The following PHF6 variants were observed in gnomAD, a reference collection of about 807,000 sequenced individuals.
PHF6 encodes the protein PHD finger protein 6.
PHF6 carries 7 observed loss-of-function variants against 34.0 expected under a neutral mutation model. That is an observed-to-expected ratio of 0.21 (90% confidence interval 0.12 to 0.39). The LOEUF (loss-of-function observed/expected upper bound fraction) is 0.39. Ranked by LOEUF, PHF6 falls within the 10% of genes least tolerant of loss-of-function variation. The pLI is 1.00. For missense variants in PHF6, 128 were observed against 262.8 expected, an observed-to-expected ratio of 0.49 and a Z score of 3.55; for synonymous variants, 89 against 88.4, an observed-to-expected ratio of 1.01 and a Z score of -0.04.
intron 3 of PHF6, among the ~76,000 whole-genome samples, chrX:134,391,335 CAATG>C (rs2124217356): frequency 8.9e-6 from 1 of 112,098 alleles, no homozygotes; most frequent in South Asian, 3.7e-4. Flanking sequence ...AATAATTCTA[CAATG>C]AATGTGCTTG....
At chrX:134,419,678 T>C (rs891485637) in intron 9 of PHF6, 1 of 111,493 alleles carries the variant, frequency 9.0e-6, no homozygotes, top group African/African-American at 3.3e-5. Context: ...AAAATGTTCA[T>C]GTCTAAGCCC....
At chrX:134,411,315 A>C (rs1298289455) in intron 5 of PHF6, among the ~76,000 whole-genome samples, 1 of 111,207 alleles carries the variant, frequency 9.0e-6, no homozygotes, top group Non-Finnish European at 1.9e-5. Flanking sequence ...AAATATATGA[A>C]TCTTTCGTGA....
At chrX:134,387,414 G>A (rs1217954410) in intron 3 of PHF6, among the ~76,000 whole-genome samples, 5 of 111,287 alleles carry the variant, frequency 4.5e-5, no homozygotes, top group Non-Finnish European at 9.4e-5. Context: ...TCTTGGTGTT[G>A]GGGGCTGTCT....
chrX:134,373,620 A>G (rs1047358705), intron 1 of PHF6, among the ~76,000 whole-genome samples, 153 bp downstream of exon 1: 7 of 111,385 alleles, frequency 6.3e-5, no homozygotes, highest in African/African-American at 2.0e-4. Flanking sequence ...AGCGCCGCTC[A>G]TTGTAGGCGC....
intron 5 of PHF6, among the ~76,000 whole-genome samples, chrX:134,406,114 T>TTTCTTTCTTTC (rs1556017671): frequency 2.1e-4 from 9 of 42,439 alleles, no homozygotes; most frequent in South Asian, 1.2e-3. Context: ...TTCTTTCTTT[T>TTTCTTTCTTTC]TTTTTTTACT....
chrX:134,404,116 C>T (rs1243833959), intron 5 of PHF6, among the ~76,000 whole-genome samples: 1 of 92,803 alleles, frequency 1.1e-5, no homozygotes, highest in Non-Finnish European at 2.1e-5. Flanking sequence ...AGCTGCCATA[C>T]ATAGTGATTT....
chrX:134,399,625 A>G (rs2077393012), intron 5 of PHF6, among the ~76,000 whole-genome samples: 1 of 108,806 alleles, frequency 9.2e-6, no homozygotes, highest in South Asian at 4.0e-4. Flanking sequence ...GAGTTCCTGT[A>G]TATCTCCTGT....
At chrX:134,408,836 C>T (rs1218197824) in intron 5 of PHF6, among the ~76,000 whole-genome samples, 1 of 111,801 alleles carries the variant, frequency 8.9e-6, no homozygotes, top group East Asian at 2.8e-4. Flanking sequence ...CCTCAGCCTC[C>T]CTAGTAACTG....
At chrX:134,378,787 T>G (rs1196250814) in intron 3 of PHF6, among the ~76,000 whole-genome samples, 1 of 112,400 alleles carries the variant, frequency 8.9e-6, no homozygotes, top group Non-Finnish European at 1.9e-5. Context: ...GTTTCCTTCC[T>G]TTTTGTGGAG....
rs1468108452 is a variant in PHF6, at chrX:134,427,181, A to G, written c.*1521A>G. 6.1e-6 allele frequency: 1 copy of G among 163,087 alleles called. No individual in the cohort carries two copies. Among genetic ancestry groups the G allele is most frequent in the Non-Finnish European group, 1.2e-5 (1 of 84,464 alleles). The allele number at this position is 163,087 out of a possible 1,213,427, so 13.4% of individuals were successfully genotyped here. A position where few individuals can be genotyped will look rare whatever the true frequency, so the allele number is the denominator to read the frequency against. Reference sequence around the variant, plus strand: ...TTTAACCATCTTTTACTATTTTTAGAAGGAAACTAGCTTTAGTAGTGGGTT... The same window carrying G: ...TTTAACCATCTTTTACTATTTTTAGGAGGAAACTAGCTTTAGTAGTGGGTT... On this transcript the variant is annotated 3_prime_UTR_variant, in exon 11 of 11. Transcript: ENST00000370803.
intron 5 of PHF6, among the ~76,000 whole-genome samples, chrX:134,410,347 A>G (rs1037095014): frequency 7.2e-5 from 8 of 111,694 alleles, no homozygotes; most frequent in South Asian, 3.7e-4. Context: ...CTGATGTGAG[A>G]TGGTATCTCA....
intron 3 of PHF6, among the ~76,000 whole-genome samples, chrX:134,383,606 C>T (rs2077317352): frequency 8.9e-6 from 1 of 111,883 alleles, no homozygotes; most frequent in Non-Finnish European, 1.9e-5. Context: ...ATTTGTTAGA[C>T]ACTTAACATG....
rs758200312 is a variant in PHF6, at chrX:134,380,369, C to T, written c.240+2263C>T. Reference sequence around the variant, plus strand: ...CACCTTGGTCTCAATCTCCTGACCTCGTGACCTACCTGCCTCGGCCTCCCA... The same window carrying T: ...CACCTTGGTCTCAATCTCCTGACCTTGTGACCTACCTGCCTCGGCCTCCCA... On this transcript the variant is annotated intron_variant, in intron 3 of 10. Coordinates refer to ENST00000370803, the MANE Select transcript of PHF6 (RefSeq NM_001015877.2). 2.7e-5 allele frequency among the ~76,000 whole-genome samples: 3 copies of T among 110,369 alleles called. No individual in the cohort carries two copies. The East Asian group carries it at 8.6e-4, about 31-fold the overall frequency.
chrX:134,374,084 T>C (rs1466066721), intron 1 of PHF6, among the ~76,000 whole-genome samples: 1 of 110,911 alleles, frequency 9.0e-6, no homozygotes, highest in Non-Finnish European at 1.9e-5. Context: ...TTTGTGACTT[T>C]AGCGCTTGAT....
chrX:134,376,939 A>G (rs1373882233), intron 1 of PHF6, among the ~76,000 whole-genome samples: 1 of 112,096 alleles, frequency 8.9e-6, no homozygotes, highest in Non-Finnish European at 1.9e-5. Flanking sequence ...TGTTTTATCA[A>G]TATGTGAACT....
At chrX:134,389,837 TGTTAA>T (rs1202962144) in intron 3 of PHF6, among the ~76,000 whole-genome samples, 1 of 111,525 alleles carries the variant, frequency 9.0e-6, no homozygotes, top group Non-Finnish European at 1.9e-5. Flanking sequence ...AAGATAATTA[TGTTAA>T]ATCTGCAGGT....
intron 9 of PHF6, among the ~76,000 whole-genome samples, chrX:134,422,999 G>A (rs1248525624): frequency 8.9e-6 from 1 of 112,143 alleles, no homozygotes; most frequent in Admixed American, 9.5e-5. Context: ...TCAGCAGTTA[G>A]CAAGTTATTG....
intron 3 of PHF6, among the ~76,000 whole-genome samples, chrX:134,379,019 T>C (rs1476276670): frequency 8.9e-6 from 1 of 112,303 alleles, no homozygotes; most frequent in Non-Finnish European, 1.9e-5. Flanking sequence ...TCCAGTTTCA[T>C]TTTTTAAAAG....
intron 3 of PHF6, among the ~76,000 whole-genome samples, chrX:134,382,760 G>C (rs991378193): frequency 1.8e-5 from 2 of 109,063 alleles, no homozygotes; most frequent in African/African-American, 3.3e-5. Flanking sequence ...GTAGAGACAG[G>C]GTTTACCACG....
Sources: gnomAD v4.1 joint callset for allele counts (sites outside exome capture counted in the v4.1 genomes callset) on GRCh38, gnomAD v4.1.1 for gene constraint, MANE v1.5 for transcripts, NCBI Gene and HGNC (gene_info 2026-07-23, HGNC 2026-07-21) for gene names.